The following POLR3A variants were observed in gnomAD, a reference collection of about 807,000 sequenced individuals.
The protein encoded by POLR3A is DNA-directed RNA polymerase III subunit RPC1.
Under a neutral mutation model 152.8 loss-of-function variants are expected in POLR3A, and 112 were observed. That is an observed-to-expected ratio of 0.73 (90% CI 0.63 to 0.86). The LOEUF (loss-of-function observed/expected upper bound fraction) is 0.86. POLR3A is among the 40% of genes least tolerant of loss of function. The pLI is 0.00. For missense variants in POLR3A, 1,385 were observed against 1,743.1 expected, an observed-to-expected ratio of 0.79 and a Z score of 3.66; for synonymous variants, 615 against 652.1, an observed-to-expected ratio of 0.94 and a Z score of 0.87.
In POLR3A at chr10:78,014,425, C is replaced by CT. The variant is rs566933246; in HGVS notation, c.1432-636dup. ...TTGGAAGTTACTGAGCACTAACCCC[C>CT]TTTTTTTTTGAGACGTAGTCTCACT... On this transcript the variant is annotated intron_variant, in intron 10 of 30. Transcript: ENST00000372371. 6.3e-4 allele frequency among the ~76,000 whole-genome samples: 96 copies of CT among 151,350 alleles called. 1 individual carries two copies. The Middle Eastern group carries it at 0.01, about 16-fold the overall frequency.
At chr10:78,002,726 T>TG (rs769344235) in intron 16 of POLR3A, among the ~76,000 whole-genome samples, 8 of 152,102 alleles carry the variant, frequency 5.3e-5, no homozygotes, top group Non-Finnish European at 1.0e-4. Context: ...TTTGTAGAGA[T>TG]GGGGTCTTGC....
In POLR3A at chr10:78,002,225, G is replaced by C. The variant is rs762987657; in HGVS notation, c.2331C>G (p.Pro777=). The C allele has an allele frequency of 1.3e-6, 2 of 1,597,542 alleles. No individual in the cohort carries two copies. The highest frequency in any genetic ancestry group is 2.3e-5 in the South Asian group (2 of 87,404). ...TGGAGCCGCACAGAGCCATGGTGAG[G>C]GGGCTGTTGCTCTTGTCCAGCTCCC... The part of the protein sequence containing the change: ...CLRELDKSNS[P]LTMALCGSKG... The change falls in exon 17 of 31, where the codon CCC becomes CCG. Residue 777 remains proline, a synonymous_variant. Transcript: ENST00000372371.
Position 78,009,887 on chromosome 10 carries a change from G to A in POLR3A, c.1747C>T (p.Leu583Phe), listed in dbSNP as rs771874455. The change falls in exon 13 of 31, where the codon CTC becomes TTC. Residue 583 changes from leucine (L) to phenylalanine (F), a missense_variant. This residue lies in a region of POLR3A where 188 missense variants were observed against 179.9 expected (regional missense o/e 1.04). Transcript: ENST00000372371. Reference sequence around the variant, plus strand: ...ACCTTTAGGATTGTAGGCGGTGGGAGGCGAACTTTAATTTTCTCATCCTTG... The same window carrying A: ...ACCTTTAGGATTGTAGGCGGTGGGAAGCGAACTTTAATTTTCTCATCCTTG... Reference protein sequence around the residue: ...VGKDEKIKVRLPPPTILKPVT... With the variant: ...VGKDEKIKVRFPPPTILKPVT... 3.1e-6 allele frequency: 5 copies of A among 1,614,088 alleles called. No homozygotes were observed. The highest frequency in any genetic ancestry group is 1.7e-5 in the Admixed American group (1 of 60,000).
At chr10:78,016,095 A>G (rs57049053) in intron 10 of POLR3A, among the ~76,000 whole-genome samples, 3,218 of 152,274 alleles carry the variant, frequency 0.021, 114 homozygotes, top group African/African-American at 0.072. Flanking sequence ...ATCTATGAAT[A>G]TTGAACAAAT....
intron 4 of POLR3A, 48 bp from the exon 5 acceptor site, chr10:78,024,751 G>A: frequency 6.5e-7 from 1 of 1,535,110 alleles, no homozygotes; most frequent in Non-Finnish European, 9.0e-7. Context: ...TATGTTCTCA[G>A]ATTGGCCAGA....
chr10:78,016,507 A>G (rs1847525468), intron 10 of POLR3A, among the ~76,000 whole-genome samples: 1 of 151,608 alleles, frequency 6.6e-6, no homozygotes, highest in African/African-American at 2.4e-5. Flanking sequence ...TGAGGTCAGG[A>G]GTTTGAGACC....
chr10:77,985,773 G>A, intron 23 of POLR3A, 130 bp downstream of exon 23: 1 of 751,580 alleles, frequency 1.3e-6, no homozygotes, highest in Non-Finnish European at 2.4e-6. Flanking sequence ...TACAGAAAAT[G>A]TGACAGAATC....
rs59548771 is a variant in POLR3A at position 78,024,370 on chromosome 10, C to CA, written c.645+178dup. ...AAGAGCGAGACTCTGTCTTCCATCT[C>CA]AAAAAAAAAAAAAAAAAAAGGAATT... On this transcript the variant is annotated intron_variant, in intron 5 of 30. Transcript: ENST00000372371. 0.11 allele frequency among the ~76,000 whole-genome samples: 7,545 copies of CA among 66,832 alleles called. 371 individuals are homozygous for CA. Among genetic ancestry groups the CA allele is most frequent in the East Asian group, 0.26 (546 of 2,106 alleles). 43.8% of individuals were successfully genotyped at this position (66,832 alleles called of 152,430 possible).
intron 16 of POLR3A, among the ~76,000 whole-genome samples, chr10:78,003,928 TAAAAC>T (rs768100484): frequency 6.6e-6 from 1 of 150,666 alleles, no homozygotes; most frequent in Non-Finnish European, 1.5e-5. Flanking sequence ...GACTCCATCT[TAAAAC>T]AAAACAACAA....
chr10:78,017,775 C>T, intron 9 of POLR3A, 59 bp from the exon 10 acceptor site: 6 of 1,547,892 alleles, frequency 3.9e-6, no homozygotes, highest in Non-Finnish European at 5.4e-6. Flanking sequence ...CAAGTTTCTC[C>T]CTCTTCAGAT....
At chr10:78,010,337 A>G in intron 12 of POLR3A, 134 bp downstream of exon 12, 1 of 808,414 alleles carries the variant, frequency 1.2e-6, no homozygotes, top group African/African-American at 1.7e-5. Context: ...GTTCATGATC[A>G]AACTTAGTAA....
rs923745392 is a variant in POLR3A, at chr10:77,976,569, G to A, written c.*909C>T. 1 of 152,148 alleles carries A rather than the reference G, an allele frequency of 6.6e-6. No homozygotes were observed. The highest frequency in any genetic ancestry group is 1.5e-5 in the Non-Finnish European group (1 of 68,034). 9.4% of individuals were successfully genotyped at this position (152,148 alleles called of 1,614,324 possible). ...AGATCCAAGAACCAATGGCTACCCC[G>A]GGTACCTTAACAGCATCAACTCAGA... On this transcript the variant is annotated 3_prime_UTR_variant, in exon 31 of 31. Transcript: ENST00000372371.
Position 78,025,681 on chromosome 10 carries a change from C to T in POLR3A, c.259G>A (p.Asp87Asn), listed in dbSNP as rs760584422. 29 of 1,613,842 alleles carry T rather than the reference C, an allele frequency of 1.8e-5. No individual in the cohort carries two copies. The highest frequency in any genetic ancestry group is 2.4e-5 in the Non-Finnish European group (28 of 1,179,942). The change falls in exon 3 of 31, where the codon GAC becomes AAC. Residue 87 changes from aspartate (D) to asparagine (N), a missense_variant. Transcript: ENST00000372371. ...ADCLGHYGYIDLELPCFHVGY... is the reference protein window; with the variant it reads ...ADCLGHYGYINLELPCFHVGY... ...ACATGAAAACACGGCAACTCCAGGT[C>T]GATATACCCATAGTGGCCTAGACAG...
chr10:77,997,285 C>A (rs1446772527), intron 19 of POLR3A, among the ~76,000 whole-genome samples: 1 of 152,038 alleles, frequency 6.6e-6, no homozygotes. Flanking sequence ...CACTCCTATT[C>A]AACATAGTGT....
At chr10:77,991,533 T>C (rs1157874550) in intron 20 of POLR3A, among the ~76,000 whole-genome samples, 2 of 152,120 alleles carry the variant, frequency 1.3e-5, no homozygotes, top group African/African-American at 4.8e-5. Flanking sequence ...TAAATTTCTC[T>C]TTTTTTTGAG....
intron 19 of POLR3A, among the ~76,000 whole-genome samples, chr10:77,999,541 T>C (rs190835922): frequency 4.4e-4 from 67 of 152,176 alleles, no homozygotes; most frequent in African/African-American, 1.4e-3. Flanking sequence ...GCTTTCCTTC[T>C]AAGCATCCAA....
At chr10:78,021,395 C>A (rs527352509) in intron 8 of POLR3A, 151 bp downstream of exon 8, 5 of 739,370 alleles carry the variant, frequency 6.8e-6, no homozygotes, top group Middle Eastern at 3.2e-4. Context: ...ATGTATAAAG[C>A]AAACTGGGAA....
intron 14 of POLR3A, among the ~76,000 whole-genome samples, chr10:78,009,219 C>T (rs563810992): frequency 3.4e-4 from 51 of 151,806 alleles, no homozygotes; most frequent in African/African-American, 1.1e-3. Flanking sequence ...TATTGCCCCC[C>T]CCGCCGCCAA....
chr10:77,985,456 T>C, intron 23 of POLR3A, 116 bp from the exon 24 acceptor site: 1 of 832,762 alleles, frequency 1.2e-6, no homozygotes, highest in Non-Finnish European at 2.0e-6. Context: ...GCTATTAGGG[T>C]CGGAAAGGGT....
Sources: allele counts gnomAD v4.1 joint callset (sites outside exome capture counted in the v4.1 genomes callset), GRCh38; gene constraint gnomAD v4.1.1; regional missense constraint gnomAD v4.1.1; transcripts MANE v1.5; gene names NCBI Gene and HGNC (gene_info 2026-07-23, HGNC 2026-07-21).